STXBP6: variants seen among roughly 807,000 people sequenced by gnomAD.
STXBP6 encodes syntaxin-binding protein 6.
A neutral mutation model predicts 26.9 loss-of-function variants in STXBP6; 21 were observed. The observed-to-expected ratio is 0.78, with a 90% CI of 0.55 to 1.12. The LOEUF (loss-of-function observed/expected upper bound fraction) is 1.12. Among genes scored for constraint, STXBP6 ranks in the 50% most tolerant of loss-of-function variants. The pLI, the probability that STXBP6 is intolerant of heterozygous loss-of-function variation, is 0.00. For missense variants in STXBP6, 232 were observed against 257.9 expected, an observed-to-expected ratio of 0.90 and a Z score of 0.69; for synonymous variants, 97 against 92.6, an observed-to-expected ratio of 1.05 and a Z score of -0.27.
chr14:24,941,665 T>C (rs1179541393), intron 2 of STXBP6, among the ~76,000 whole-genome samples: 1 of 152,220 alleles, frequency 6.6e-6, no homozygotes, highest in Non-Finnish European at 1.5e-5. Flanking sequence ...GAGCAGACCC[T>C]GTACCCACTA....
At chr14:25,004,340 C>T (rs909604966) in intron 1 of STXBP6, among the ~76,000 whole-genome samples, 3 of 152,234 alleles carry the variant, frequency 2.0e-5, no homozygotes, top group Admixed American at 1.3e-4. Flanking sequence ...GGGCCCAGTT[C>T]GATGGAATTC....
intron 1 of STXBP6, among the ~76,000 whole-genome samples, chr14:25,011,892 G>A (rs540388565): frequency 1.3e-5 from 2 of 152,336 alleles, no homozygotes; most frequent in South Asian, 4.1e-4. Context: ...GGATGACTGA[G>A]ATCTTCAAAA....
intron 2 of STXBP6, among the ~76,000 whole-genome samples, chr14:24,904,711 G>A (rs2071328949): frequency 6.6e-6 from 1 of 152,166 alleles, no homozygotes; most frequent in African/African-American, 2.4e-5. Flanking sequence ...CACAAAGGCA[G>A]CAGTCTACAA....
At chr14:24,863,697 G>A (rs1323894705) in intron 2 of STXBP6, among the ~76,000 whole-genome samples, 1 of 152,024 alleles carries the variant, frequency 6.6e-6, no homozygotes, top group African/African-American at 2.4e-5. Flanking sequence ...GTTTGTTTCA[G>A]GCTTCCTGAA....
chr14:25,012,116 C>G (rs2075045587), intron 1 of STXBP6, among the ~76,000 whole-genome samples: 1 of 151,880 alleles, frequency 6.6e-6, no homozygotes, highest in South Asian at 2.1e-4. Context: ...AGCTGTGAGA[C>G]TTGAAGCAGA....
intron 1 of STXBP6, among the ~76,000 whole-genome samples, chr14:25,029,920 G>C (rs148756472): frequency 3.1e-4 from 47 of 151,770 alleles, no homozygotes; most frequent in African/African-American, 1.1e-3. Context: ...ACACACCAGA[G>C]GCCAATAATA....
chr14:24,962,031 T>C (rs999588813), intron 2 of STXBP6, among the ~76,000 whole-genome samples: 3 of 152,188 alleles, frequency 2.0e-5, no homozygotes, highest in Non-Finnish European at 4.4e-5. Context: ...ACCAAATGCA[T>C]GAGGTACCTC....
intron 2 of STXBP6, among the ~76,000 whole-genome samples, chr14:24,881,740 T>C (rs2070364081): frequency 1.3e-5 from 2 of 152,150 alleles, no homozygotes; most frequent in African/African-American, 4.8e-5. Context: ...TGAAAAATAA[T>C]GACAATGTTA....
At chr14:24,912,893 C>G (rs933719780) in intron 2 of STXBP6, among the ~76,000 whole-genome samples, 2 of 151,984 alleles carry the variant, frequency 1.3e-5, no homozygotes, top group Non-Finnish European at 2.9e-5. Flanking sequence ...AAACACTGGT[C>G]TAAATAGATT....
At chr14:24,883,545 T>C (rs2070635846) in intron 2 of STXBP6, among the ~76,000 whole-genome samples, 1 of 152,190 alleles carries the variant, frequency 6.6e-6, no homozygotes, top group South Asian at 2.1e-4. Context: ...TCATGAATGG[T>C]AGAAGCCTCA....
chr14:25,001,075 C>T (rs1440896193), intron 1 of STXBP6, among the ~76,000 whole-genome samples: 1 of 152,092 alleles, frequency 6.6e-6, no homozygotes, highest in Admixed American at 6.5e-5. Flanking sequence ...GAAATGTCCC[C>T]TTTACCTCTG....
intron 5 of STXBP6, chr14:24,815,598 C>T (rs563715681): frequency 6.6e-6 from 1 of 152,118 alleles, no homozygotes; most frequent in East Asian, 1.9e-4. Flanking sequence ...AGAAAGGCCA[C>T]ACGCCCTTTC....
chr14:24,936,019 G>A (rs990896700), intron 2 of STXBP6, among the ~76,000 whole-genome samples: 2 of 152,188 alleles, frequency 1.3e-5, no homozygotes, highest in Non-Finnish European at 2.9e-5. Context: ...ACTCTTCCTT[G>A]ACTTAACAGT....
intron 2 of STXBP6, among the ~76,000 whole-genome samples, chr14:24,885,478 G>A (rs1156713160): frequency 1.3e-5 from 2 of 152,222 alleles, no homozygotes; most frequent in African/African-American, 2.4e-5. Flanking sequence ...AGGATAGACA[G>A]GCCTTAAAGC....
At chr14:24,868,743 G>A (rs1023829871) in intron 2 of STXBP6, among the ~76,000 whole-genome samples, 1 of 152,150 alleles carries the variant, frequency 6.6e-6, no homozygotes, top group African/African-American at 2.4e-5. Flanking sequence ...AACTTCTACC[G>A]CAATAGCCCA....
intron 2 of STXBP6, among the ~76,000 whole-genome samples, chr14:24,923,086 C>A (rs547378213): frequency 6.6e-6 from 1 of 152,188 alleles, no homozygotes; most frequent in African/African-American, 2.4e-5. Context: ...TGTCTCCATG[C>A]ATCTATTTGT....
At chr14:24,904,312 C>A (rs752720612) in intron 2 of STXBP6, among the ~76,000 whole-genome samples, 3 of 152,186 alleles carry the variant, frequency 2.0e-5, no homozygotes, top group Non-Finnish European at 2.9e-5. Context: ...TCAATTACCC[C>A]ATCTACGTTG....
At chr14:24,847,732 A>G (rs2069011949) in intron 4 of STXBP6, among the ~76,000 whole-genome samples, 1 of 152,140 alleles carries the variant, frequency 6.6e-6, no homozygotes, top group Non-Finnish European at 1.5e-5. Flanking sequence ...GAAAAGGAAT[A>G]TTTCCATTCT....
At chr14:24,921,065 T>G (rs2071960715) in intron 2 of STXBP6, among the ~76,000 whole-genome samples, 1 of 152,190 alleles carries the variant, frequency 6.6e-6, no homozygotes, top group Non-Finnish European at 1.5e-5. Flanking sequence ...TAAAACAGGC[T>G]TGGCCTTTTA....
Sources: gnomAD v4.1 joint callset for allele counts (sites outside exome capture counted in the v4.1 genomes callset) on GRCh38, gnomAD v4.1.1 for gene constraint, MANE v1.5 for transcripts, NCBI Gene and HGNC (gene_info 2026-07-23, HGNC 2026-07-21) for gene names.